The following DRG1 variants were observed in gnomAD, a reference collection of about 807,000 sequenced individuals.
DRG1 encodes the protein developmentally-regulated GTP-binding protein 1.
Under a neutral mutation model 38.8 loss-of-function variants are expected in DRG1, and 19 were observed. The ratio of observed to expected loss-of-function variants is 0.49; its 90% CI spans 0.34 to 0.72. The LOEUF is 0.72. DRG1 is among the 30% of genes least tolerant of loss of function. The pLI is 0.01. For missense variants in DRG1, 299 were observed against 444.8 expected (o/e 0.67, Z 2.95); for synonymous variants, 167 against 157.5 (o/e 1.06, Z -0.45).
At chr22:31,400,851 G>A (rs1260534974) in intron 2 of DRG1, 108 bp downstream of exon 2, 6 of 1,299,396 alleles carry the variant, frequency 4.6e-6, no homozygotes, top group Admixed American at 2.3e-5. Context: ...GTGGCTCAAC[G>A]CCTGCAATCC....
intron 5 of DRG1, 107 bp downstream of exon 5, chr22:31,420,532 A>G (rs1230077129): frequency 7.6e-6 from 10 of 1,319,056 alleles, no homozygotes; most frequent in Admixed American, 4.9e-5. Flanking sequence ...TTTTCCCTGC[A>G]CTAATTGAGA....
chr22:31,409,051 A>G (rs1421153561), intron 3 of DRG1, among the ~76,000 whole-genome samples: 32 of 152,006 alleles, frequency 2.1e-4, no homozygotes, highest in Admixed American at 2.1e-3. Flanking sequence ...TGGGCAGTTG[A>G]GCAGTCATTT....
chr22:31,432,024 A>G (rs2050141846), intron 8 of DRG1, among the ~76,000 whole-genome samples: 1 of 149,064 alleles, frequency 6.7e-6, no homozygotes, highest in South Asian at 2.1e-4. Flanking sequence ...ACAGGATTTT[A>G]TTTGCTCTTA....
chr22:31,415,495 G>A (rs2050039414), intron 4 of DRG1, among the ~76,000 whole-genome samples: 1 of 152,040 alleles, frequency 6.6e-6, no homozygotes, highest in Admixed American at 6.6e-5. Context: ...TTGTAGCTGG[G>A]ACCACAGGTG....
intron 4 of DRG1, among the ~76,000 whole-genome samples, chr22:31,412,848 G>C (rs2050025413): frequency 6.6e-6 from 1 of 151,834 alleles, no homozygotes; most frequent in South Asian, 2.1e-4. Context: ...ACCATACCCG[G>C]CTAATTTTTT....
chr22:31,422,456 G>A (rs1295837938), intron 5 of DRG1, among the ~76,000 whole-genome samples: 2 of 151,872 alleles, frequency 1.3e-5, no homozygotes, highest in African/African-American at 4.8e-5. Flanking sequence ...AAAGAAAAGA[G>A]ACTCAGAGAA....
rs190638928 is a variant in DRG1, at chr22:31,405,921, C to G, written c.342+2717C>G. On this transcript the variant is annotated intron_variant, in intron 3 of 8. Coordinates refer to ENST00000331457, the MANE Select transcript of DRG1 (RefSeq NM_004147.4). ...CAGGCTAGTCTCGAACTCCTGACTT[C>G]AGGTGATCCACCCGCCTCGGCCTCC... 2.0e-5 allele frequency among the ~76,000 whole-genome samples: 3 copies of G among 152,068 alleles called. No homozygotes were observed. In the East Asian group the frequency reaches 5.8e-4, roughly 29 times the overall value.
chr22:31,422,308 T>C (rs1389797962), intron 5 of DRG1, among the ~76,000 whole-genome samples: 1 of 151,000 alleles, frequency 6.6e-6, no homozygotes, highest in African/African-American at 2.4e-5. Context: ...GGCACGTGCC[T>C]GTGATCCTGG....
intron 4 of DRG1, among the ~76,000 whole-genome samples, chr22:31,418,801 C>T (rs2145866004): frequency 6.6e-6 from 1 of 152,296 alleles, no homozygotes; most frequent in East Asian, 1.9e-4. Context: ...CCTGCCTCAG[C>T]CTCCCAAGTA....
chr22:31,400,567 C>A, intron 1 of DRG1, 53 bp from the exon 2 acceptor site: 1 of 1,594,130 alleles, frequency 6.3e-7, no homozygotes, highest in Non-Finnish European at 8.6e-7. Flanking sequence ...CCTCTCAAAG[C>A]TGGGGGAAGC....
At chr22:31,431,881 A>G (rs1232980716) in intron 8 of DRG1, among the ~76,000 whole-genome samples, 1 of 152,146 alleles carries the variant, frequency 6.6e-6, no homozygotes, top group Middle Eastern at 3.2e-3. Context: ...TCCTTTTTCA[A>G]ACTTTGTAGA....
Position 31,414,551 on chromosome 22 carries a change from G to C in DRG1, c.412+3470G>C, listed in dbSNP as rs117310551. Among the ~76,000 whole-genome samples the C allele has an allele frequency of 0.015, 2,245 of 152,154 alleles. 110 individuals are homozygous for C. In the East Asian group the frequency reaches 0.17, roughly 12 times the overall value. On this transcript the variant is annotated intron_variant, in intron 4 of 8. Coordinates refer to ENST00000331457, the MANE Select transcript of DRG1 (RefSeq NM_004147.4). ...TCAGTAAAGGCAAATTTATCCTTCA[G>C]AACTTTTAGGTCAAATCTTTTTTTC...
chr22:31,404,392 C>T (rs913247272), intron 3 of DRG1, among the ~76,000 whole-genome samples: 1 of 151,604 alleles, frequency 6.6e-6, no homozygotes, highest in Non-Finnish European at 1.5e-5. Flanking sequence ...AGGCACGCAC[C>T]CCCATGGCTG....
intron 6 of DRG1, among the ~76,000 whole-genome samples, chr22:31,426,126 TTAAG>T (rs1366485605): frequency 6.6e-6 from 1 of 152,184 alleles, no homozygotes; most frequent in African/African-American, 2.4e-5. Flanking sequence ...GACTCAGAGG[TTAAG>T]TGACTTTCCT....
chr22:31,409,898 G>C (rs1262633840), intron 3 of DRG1, among the ~76,000 whole-genome samples: 2 of 152,142 alleles, frequency 1.3e-5, no homozygotes, highest in Non-Finnish European at 2.9e-5. Flanking sequence ...TGGAGGCTGA[G>C]ACAGGATAAT....
chr22:31,428,168 T>G (rs1292866384), intron 8 of DRG1, among the ~76,000 whole-genome samples: 1 of 152,060 alleles, frequency 6.6e-6, no homozygotes, highest in African/African-American at 2.4e-5. Context: ...TTTTTTATTT[T>G]GAACTTATTT....
chr22:31,420,840 T>A (rs1451675852), intron 5 of DRG1, among the ~76,000 whole-genome samples: 4 of 152,186 alleles, frequency 2.6e-5, no homozygotes, highest in Admixed American at 1.3e-4. Context: ...TTGGATAGAA[T>A]AGAAAACAAT....
At chr22:31,415,797 A>T (rs2050041629) in intron 4 of DRG1, among the ~76,000 whole-genome samples, 2 of 152,172 alleles carry the variant, frequency 1.3e-5, no homozygotes, top group Admixed American at 1.3e-4. Flanking sequence ...CTTATATCTG[A>T]TATTAGAAGG....
chr22:31,426,924 G>A (rs2050114353), intron 7 of DRG1, 136 bp from the exon 8 acceptor site: 1 of 1,488,888 alleles, frequency 6.7e-7, no homozygotes, highest in African/African-American at 1.4e-5. Flanking sequence ...TAGGTCATTA[G>A]GTCATATTGA....
Sources: allele counts gnomAD v4.1 joint callset (sites outside exome capture counted in the v4.1 genomes callset), GRCh38; gene constraint gnomAD v4.1.1; transcripts MANE v1.5; gene names NCBI Gene and HGNC (gene_info 2026-07-23, HGNC 2026-07-21).